The following NUMB variants were observed in gnomAD, a reference collection of about 807,000 sequenced individuals.
The protein encoded by NUMB is NUMB endocytic adaptor protein.
NUMB carries 29 observed loss-of-function variants against 59.7 expected under a neutral mutation model. The ratio of observed to expected loss-of-function variants is 0.49; its 90% CI spans 0.36 to 0.66. NUMB has a LOEUF of 0.66. NUMB is among the 30% of genes least tolerant of loss of function. The pLI, the probability that NUMB is intolerant of heterozygous loss-of-function variation, is 0.00. For missense variants in NUMB, 723 were observed against 822.0 expected (o/e 0.88, Z 1.47); for synonymous variants, 288 against 288.2 (o/e 1.00, Z 0.01).
chr14:73,287,162 A>G lies in NUMB; in HGVS notation c.603T>C (p.Thr201=). The change falls in exon 9 of 13, where the codon ACT becomes ACC. Residue 201 remains threonine, a synonymous_variant. Coordinates refer to ENST00000555238, the MANE Select transcript of NUMB (RefSeq NM_001005743.2). The part of the protein sequence containing the change: ...REGSFRVTTA[T]EQAEREEIMK... ...TGATCTCCTCTCTTTCTGCTTGTTC[A>G]GTGGCTGTTGTGACACGGAATGATC... 3 of 1,613,900 alleles carry G rather than the reference A, an allele frequency of 1.9e-6. No individual in the cohort carries two copies. The highest frequency in any genetic ancestry group is 2.5e-6 in the Non-Finnish European group (3 of 1,179,996).
intron 2 of NUMB, among the ~76,000 whole-genome samples, chr14:73,392,407 A>G (rs1895898845): frequency 1.3e-5 from 2 of 152,236 alleles, no homozygotes; most frequent in South Asian, 4.1e-4. Flanking sequence ...AATAACACCT[A>G]GCTCTCCATG....
intron 1 of NUMB, among the ~76,000 whole-genome samples, chr14:73,416,777 G>A (rs1351273424): frequency 2.6e-5 from 4 of 152,086 alleles, no homozygotes; most frequent in Non-Finnish European, 5.9e-5. Context: ...GGGAGGCAGA[G>A]GTTGCAGTTA....
rs71112737 is a variant in NUMB at position 73,353,072 on chromosome 14, G to GTTTTTTTTTTTTTTTTTTTTTTTTT, written c.126+2529_126+2553dup. ...CTTAATGGATGCCACAGTTTTTCTT[G>GTTTTTTTTTTTTTTTTTTTTTTTTT]TTTTTTTTTTTTTTTTTTTTTTTTT... On this transcript the variant is annotated intron_variant, in intron 4 of 12. Coordinates refer to ENST00000555238, the MANE Select transcript of NUMB (RefSeq NM_001005743.2). Among the ~76,000 whole-genome samples, 44 of 58,520 alleles carry GTTTTTTTTTTTTTTTTTTTTTTTTT rather than the reference G, an allele frequency of 7.5e-4. 11 individuals are homozygous for GTTTTTTTTTTTTTTTTTTTTTTTTT. The highest frequency in any genetic ancestry group is 1.3e-3 in the East Asian group (2 of 1,596). 38.4% of individuals were successfully genotyped at this position (58,520 alleles called of 152,430 possible). A position where few individuals can be genotyped will look rare whatever the true frequency, so the allele number is the denominator to read the frequency against.
intron 1 of NUMB, among the ~76,000 whole-genome samples, chr14:73,440,973 G>A (rs1260068716): frequency 1.3e-5 from 2 of 148,396 alleles, no homozygotes; most frequent in African/African-American, 2.5e-5. Context: ...TTATTAAAAT[G>A]AAAAAACTTT....
At chr14:73,390,009 C>A (rs1895763243) in intron 2 of NUMB, among the ~76,000 whole-genome samples, 1 of 151,758 alleles carries the variant, frequency 6.6e-6, no homozygotes, top group Admixed American at 6.6e-5. Flanking sequence ...ATGTAAAGAA[C>A]ATTTTTAAAA....
At position 73,445,743 on chromosome 14, in the gene NUMB, T is replaced by G. The variant is rs147824079; in HGVS notation, c.-233+12750A>C. On this transcript the variant is annotated intron_variant, in intron 1 of 12. Coordinates refer to ENST00000555238, the MANE Select transcript of NUMB (RefSeq NM_001005743.2). The stretch of plus-strand genomic sequence containing the variant: ...CCTTCAAAGCCATTTATTTTGAAGA[T>G]AAGAAAACCAGCAAAAAGAGTTAAC... 1.9e-3 allele frequency among the ~76,000 whole-genome samples: 283 copies of G among 152,288 alleles called. 6 individuals are homozygous for G. Among genetic ancestry groups the G allele is most frequent in the Middle Eastern group, 6.8e-3 (2 of 294 alleles).
At chr14:73,394,874 T>C (rs540192212) in intron 2 of NUMB, among the ~76,000 whole-genome samples, 1 of 152,292 alleles carries the variant, frequency 6.6e-6, no homozygotes, top group African/African-American at 2.4e-5. Context: ...ATGTTTATAT[T>C]CAGAATAAAA....
intron 6 of NUMB, among the ~76,000 whole-genome samples, chr14:73,311,853 A>G (rs1890792225): frequency 1.3e-5 from 2 of 152,210 alleles, no homozygotes; most frequent in Admixed American, 6.5e-5. Context: ...CAAACTCAAT[A>G]AATCAAGTCT....
At chr14:73,437,404 T>C (rs1898105184) in intron 1 of NUMB, among the ~76,000 whole-genome samples, 2 of 152,180 alleles carry the variant, frequency 1.3e-5, no homozygotes, top group South Asian at 4.1e-4. Context: ...AAATTACTCA[T>C]GTAAGAAGAG....
At chr14:73,449,032 CTT>C (rs1054688512) in intron 1 of NUMB, among the ~76,000 whole-genome samples, 5 of 152,112 alleles carry the variant, frequency 3.3e-5, no homozygotes, top group Admixed American at 6.6e-5. Context: ...CATGTACCTA[CTT>C]TTCTTTCTTG....
At chr14:73,334,928 G>T (rs1336680473) in intron 4 of NUMB, among the ~76,000 whole-genome samples, 1 of 125,434 alleles carries the variant, frequency 8.0e-6, no homozygotes, top group African/African-American at 3.0e-5. Context: ...CAGCCTGGGC[G>T]ACAAGAGCAA....
At chr14:73,296,277 T>A (rs1330428135) in intron 7 of NUMB, among the ~76,000 whole-genome samples, 4 of 152,148 alleles carry the variant, frequency 2.6e-5, no homozygotes, top group Non-Finnish European at 1.5e-5. Flanking sequence ...ACCTCATCTG[T>A]ACCAAAAATA....
At chr14:73,441,804 G>A (rs1184530174) in intron 1 of NUMB, among the ~76,000 whole-genome samples, 1 of 151,998 alleles carries the variant, frequency 6.6e-6, no homozygotes, top group Non-Finnish European at 1.5e-5. Flanking sequence ...TGAGCCAGGA[G>A]TTTGAGGCTG....
chr14:73,425,312 A>G (rs546149044), intron 1 of NUMB, among the ~76,000 whole-genome samples: 4 of 152,314 alleles, frequency 2.6e-5, no homozygotes, highest in African/African-American at 9.6e-5. Flanking sequence ...TTCATCATGA[A>G]AAACCTTCAG....
At chr14:73,369,093 G>A (rs1894532050) in intron 2 of NUMB, among the ~76,000 whole-genome samples, 1 of 150,104 alleles carries the variant, frequency 6.7e-6, no homozygotes, top group African/African-American at 2.5e-5. Flanking sequence ...CCAGGCTGGA[G>A]TGCAATGGCA....
chr14:73,440,323 G>T (rs1285220352), intron 1 of NUMB, among the ~76,000 whole-genome samples: 1 of 145,832 alleles, frequency 6.9e-6, no homozygotes, highest in Non-Finnish European at 1.5e-5. Flanking sequence ...CTCAACAGAA[G>T]AATTGTTGAG....
chr14:73,277,838 A>C (rs1888286939), intron 12 of NUMB, among the ~76,000 whole-genome samples: 1 of 152,036 alleles, frequency 6.6e-6, no homozygotes, highest in South Asian at 2.1e-4. Flanking sequence ...TGGGCAGATC[A>C]CCTGAGGTCA....
At chr14:73,342,924 G>A (rs1034535740) in intron 4 of NUMB, among the ~76,000 whole-genome samples, 17 of 152,026 alleles carry the variant, frequency 1.1e-4, no homozygotes, top group African/African-American at 3.4e-4. Flanking sequence ...GGCTTACTGC[G>A]GCCTCTACCT....
At chr14:73,316,342 G>C in intron 6 of NUMB, 48 bp downstream of exon 6, 12 of 1,532,250 alleles carry the variant, frequency 7.8e-6, no homozygotes, top group Non-Finnish European at 1.1e-5. Context: ...TGCTACACTA[G>C]GGGTGTAACT....
Sources: gnomAD v4.1 joint callset for allele counts (sites outside exome capture counted in the v4.1 genomes callset) on GRCh38, gnomAD v4.1.1 for gene constraint, MANE v1.5 for transcripts, NCBI Gene and HGNC (gene_info 2026-07-23, HGNC 2026-07-21) for gene names.